The following SH3D19 variants were observed in gnomAD, a reference collection of about 807,000 sequenced individuals.
SH3D19 encodes SH3 domain containing 19, also known as SH3 domain-containing protein 19.
SH3D19 carries 58 observed loss-of-function variants against 112.1 expected under a neutral mutation model. That is an observed-to-expected ratio of 0.52 (90% CI 0.42 to 0.64). The LOEUF (loss-of-function observed/expected upper bound fraction) is 0.64, where lower values mean the gene tolerates loss of function less well. Ranked by LOEUF, SH3D19 falls within the 30% of genes least tolerant of loss-of-function variation. SH3D19 has a pLI of 0.00. For missense variants in SH3D19, 1,090 were observed against 1,263.4 expected (o/e 0.86, Z 2.08); for synonymous variants, 391 against 448.5 (o/e 0.87, Z 1.62).
intron 1 of SH3D19, among the ~76,000 whole-genome samples, chr4:151,249,545 A>C (rs1346682027): frequency 6.6e-6 from 1 of 152,216 alleles, no homozygotes; most frequent in Non-Finnish European, 1.5e-5. Context: ...CTGAATATTG[A>C]CATAAAACTT....
chr4:151,173,477 G>A lies in SH3D19; in HGVS notation c.1534+1193C>T, dbSNP rs543110246. Reference sequence around the variant, plus strand: ...TCTCTCAGTCTCACTGTCTTCATTTGCAAACTTAGGCCAATGATAACTCAC... The same window carrying A: ...TCTCTCAGTCTCACTGTCTTCATTTACAAACTTAGGCCAATGATAACTCAC... On this transcript the variant is annotated intron_variant, in intron 7 of 19. Transcript: ENST00000604030. Among the ~76,000 whole-genome samples the A allele has an allele frequency of 5.3e-5, 8 of 152,290 alleles. No homozygotes were observed. The East Asian group carries it at 1.5e-3, about 29-fold the overall frequency.
intron 1 of SH3D19, among the ~76,000 whole-genome samples, chr4:151,290,431 G>C (rs970545972): frequency 1.3e-5 from 2 of 152,112 alleles, no homozygotes; most frequent in African/African-American, 2.4e-5. Flanking sequence ...AAACATGCCA[G>C]ACACAAAAGG....
At chr4:151,204,045 C>G (rs1764758611) in intron 2 of SH3D19, among the ~76,000 whole-genome samples, 1 of 152,042 alleles carries the variant, frequency 6.6e-6, no homozygotes, top group African/African-American at 2.4e-5. Context: ...CTATTCTCAT[C>G]TTACATTAAT....
intron 2 of SH3D19, among the ~76,000 whole-genome samples, chr4:151,221,517 G>A (rs927640320): frequency 1.3e-5 from 2 of 152,140 alleles, no homozygotes; most frequent in African/African-American, 2.4e-5. Context: ...TTCTTATAGG[G>A]CATCACTCCT....
intron 1 of SH3D19, chr4:151,291,200 G>A: frequency 3.1e-6 from 5 of 1,613,422 alleles, no homozygotes; most frequent in Non-Finnish European, 4.2e-6. Flanking sequence ...TTAGAATGTG[G>A]TAAATCTCTT....
chr4:151,281,801 G>T (rs1024578411), intron 1 of SH3D19, among the ~76,000 whole-genome samples: 1 of 152,064 alleles, frequency 6.6e-6, no homozygotes, highest in African/African-American at 2.4e-5. Context: ...CTAGTGCTCA[G>T]AACAGAAATT....
intron 7 of SH3D19, among the ~76,000 whole-genome samples, chr4:151,167,697 T>C (rs1207022548): frequency 1.3e-5 from 2 of 152,102 alleles, no homozygotes; most frequent in Non-Finnish European, 2.9e-5. Flanking sequence ...CGCCGCCCCA[T>C]CTGGGAAGTG....
intron 1 of SH3D19, among the ~76,000 whole-genome samples, chr4:151,242,450 G>A (rs1239872355): frequency 6.6e-6 from 1 of 152,152 alleles, no homozygotes. Flanking sequence ...AATAACATGC[G>A]CAGAGTCACA....
chr4:151,173,225 T>C (rs1275074730), intron 7 of SH3D19, among the ~76,000 whole-genome samples: 1 of 152,264 alleles, frequency 6.6e-6, no homozygotes, highest in African/African-American at 2.4e-5. Flanking sequence ...GGTTTATCTA[T>C]CCCTGTCCTT....
chr4:151,172,266 A>T (rs1254737396), intron 7 of SH3D19, among the ~76,000 whole-genome samples: 2 of 152,208 alleles, frequency 1.3e-5, no homozygotes, highest in Non-Finnish European at 2.9e-5. Context: ...AAAGCAAACA[A>T]AAATCCCTCC....
intron 12 of SH3D19, chr4:151,141,130 GC>G (rs1380814016): frequency 7.9e-5 from 12 of 152,038 alleles, no homozygotes; most frequent in African/African-American, 2.9e-4. Context: ...GTCTGACATG[GC>G]TTTTTTTTCT....
intron 2 of SH3D19, among the ~76,000 whole-genome samples, chr4:151,199,169 T>C (rs1161237378): frequency 1.3e-5 from 2 of 152,146 alleles, no homozygotes; most frequent in Non-Finnish European, 2.9e-5. Context: ...ATTTCTAGAT[T>C]TGGGAGCCCA....
intron 1 of SH3D19, among the ~76,000 whole-genome samples, chr4:151,267,977 C>G (rs761331700): frequency 6.6e-6 from 1 of 152,116 alleles, no homozygotes; most frequent in Non-Finnish European, 1.5e-5. Flanking sequence ...AAGGCTTGGC[C>G]CTGACATAAC....
chr4:151,129,838 C>G (rs920091638), intron 17 of SH3D19, among the ~76,000 whole-genome samples: 7 of 152,198 alleles, frequency 4.6e-5, no homozygotes, highest in South Asian at 2.1e-4. Context: ...AGCCCAGTGC[C>G]TGGCACATCT....
At chr4:151,175,911 C>T (rs1257207051) in intron 6 of SH3D19, among the ~76,000 whole-genome samples, 1 of 151,742 alleles carries the variant, frequency 6.6e-6, no homozygotes, top group Non-Finnish European at 1.5e-5. Flanking sequence ...TGCTCTGTTG[C>T]CCTGGCTGGT....
At chr4:151,169,132 T>C (rs1561271886) in intron 7 of SH3D19, among the ~76,000 whole-genome samples, 1 of 152,218 alleles carries the variant, frequency 6.6e-6, no homozygotes, top group Non-Finnish European at 1.5e-5. Flanking sequence ...TGTTTTAACC[T>C]GAAGGATTTA....
chr4:151,242,611 G>A (rs1199849715), intron 1 of SH3D19, among the ~76,000 whole-genome samples: 1 of 152,166 alleles, frequency 6.6e-6, no homozygotes. Context: ...TTATTAATAA[G>A]TAGGAGTTTT....
chr4:151,197,621 T>G (rs1371513382), intron 2 of SH3D19, among the ~76,000 whole-genome samples: 1 of 152,208 alleles, frequency 6.6e-6, no homozygotes, highest in Non-Finnish European at 1.5e-5. Context: ...AATATTCTCC[T>G]GTGAAAAATA....
chr4:151,256,443 A>G (rs1771926343), intron 1 of SH3D19, among the ~76,000 whole-genome samples: 1 of 152,234 alleles, frequency 6.6e-6, no homozygotes, highest in Non-Finnish European at 1.5e-5. Context: ...GTTACATAAC[A>G]ATAAATATAA....
Sources: gnomAD v4.1 joint callset for allele counts (sites outside exome capture counted in the v4.1 genomes callset) on GRCh38, gnomAD v4.1.1 for gene constraint, MANE v1.5 for transcripts, NCBI Gene and HGNC (gene_info 2026-07-23, HGNC 2026-07-21) for gene names.